CDYL: variants seen among roughly 807,000 people sequenced by gnomAD.
The protein encoded by CDYL is chromodomain Y-like protein.
CDYL carries 8 observed loss-of-function variants against 47.3 expected under a neutral mutation model. The observed-to-expected ratio is 0.17, with a 90% confidence interval of 0.10 to 0.31. CDYL has a LOEUF of 0.31. Among genes scored for constraint, CDYL ranks in the 10% least tolerant of loss-of-function variants. CDYL has a pLI of 1.00. For synonymous variants in CDYL, 266 were observed against 265.0 expected (o/e 1.00, Z -0.04); for missense variants, 471 against 701.4 (o/e 0.67, Z 3.71).
chr6:4,827,647 A>T, intron 1 of CDYL, among the ~76,000 whole-genome samples: 1 of 152,110 alleles, frequency 6.6e-6, no homozygotes. Context: ...ATTATTTTTC[A>T]TGCATTTGTC....
intron 1 of CDYL, among the ~76,000 whole-genome samples, chr6:4,841,974 A>G (rs1057436274): frequency 2.1e-5 from 3 of 145,762 alleles, no homozygotes; most frequent in Admixed American, 6.9e-5. Flanking sequence ...TATTATATTA[A>G]TATTAATAAT....
Position 4,953,925 on chromosome 6 carries a change from C to T in CDYL, c.1504C>T (p.Arg502Cys). ...VVLEESKALV[R>C]CNMKMELEQA... ...GCTTGAGGAATCCAAAGCCCTCGTG[C>T]GCTGCAACATGAAGATGGAGCTGGA... Residue 502 changes from arginine to cysteine, a missense_variant, in exon 7 of 7, where the codon CGC (arginine) becomes TGC (cysteine). By Grantham distance (180) the Arg-to-Cys change is radical. This residue lies in a region of CDYL where 57 missense variants were observed against 74.3 expected (regional missense o/e 0.77). Coordinates refer to ENST00000397588, the MANE Select transcript of CDYL (RefSeq NM_004824.4). 3.1e-6 allele frequency: 5 copies of T among 1,613,612 alleles called. No individual in the cohort carries two copies. Among genetic ancestry groups the T allele is most frequent in the Non-Finnish European group, 3.4e-6 (4 of 1,179,854 alleles).
intron 3 of CDYL, among the ~76,000 whole-genome samples, chr6:4,764,939 A>G (rs532291319): frequency 1.0e-4 from 16 of 152,382 alleles, no homozygotes; most frequent in African/African-American, 3.8e-4. Flanking sequence ...TAAAATATGT[A>G]TAAAACTTAA....
chr6:4,723,769 G>A (rs1169034209), intron 2 of CDYL, among the ~76,000 whole-genome samples: 2 of 152,188 alleles, frequency 1.3e-5, no homozygotes, highest in East Asian at 1.9e-4. Flanking sequence ...CCTGGCCCCT[G>A]CTCTTGGCAA....
chr6:4,771,145 G>C (rs1333477214), intron 3 of CDYL, among the ~76,000 whole-genome samples: 2 of 151,830 alleles, frequency 1.3e-5, no homozygotes, highest in Non-Finnish European at 2.9e-5. Flanking sequence ...ATGGAGTCTT[G>C]CTCTGCCATC....
intron 2 of CDYL, among the ~76,000 whole-genome samples, chr6:4,716,362 TCTC>T (rs761406631): frequency 2.0e-5 from 3 of 152,054 alleles, no homozygotes; most frequent in Non-Finnish European, 2.9e-5. Flanking sequence ...TCTCGCAAGC[TCTC>T]CTCTTTTTTC....
intron 1 of CDYL, among the ~76,000 whole-genome samples, chr6:4,819,162 C>CTCTCTCTCTGTGTGTGTGTG (rs1016051589): frequency 3.0e-4 from 34 of 111,992 alleles, no homozygotes; most frequent in African/African-American, 1.6e-3. Flanking sequence ...CTCTCTCTCT[C>CTCTCTCTCTGTGTGTGTGTG]TGTGTGTGTG....
chr6:4,846,093 A>G (rs1029769363), intron 1 of CDYL, among the ~76,000 whole-genome samples: 7 of 152,106 alleles, frequency 4.6e-5, no homozygotes, highest in African/African-American at 1.4e-4. Flanking sequence ...GAACAGTCAT[A>G]CTTTAGAAAG....
At chr6:4,920,805 G>A (rs569866970) in intron 2 of CDYL, among the ~76,000 whole-genome samples, 21 of 152,244 alleles carry the variant, frequency 1.4e-4, no homozygotes, top group African/African-American at 2.9e-4. Flanking sequence ...TAGCAGAGAC[G>A]GGATTTCATC....
intron 1 of CDYL, among the ~76,000 whole-genome samples, chr6:4,885,675 C>G (rs1187927643): frequency 6.6e-6 from 1 of 152,230 alleles, no homozygotes; most frequent in Non-Finnish European, 1.5e-5. Context: ...CCTTTTGTCT[C>G]TTGCGAAAAG....
At chr6:4,881,784 G>A (rs808626) in intron 1 of CDYL, among the ~76,000 whole-genome samples, 7,566 of 152,112 alleles carry the variant, frequency 0.05, 608 homozygotes, top group African/African-American at 0.17. Flanking sequence ...AGGTTCCATC[G>A]GTACCATTTT....
intron 2 of CDYL, among the ~76,000 whole-genome samples, chr6:4,729,296 AG>A (rs1292367415): frequency 6.6e-6 from 1 of 152,124 alleles, no homozygotes; most frequent in Non-Finnish European, 1.5e-5. Flanking sequence ...GTTTTTGCTC[AG>A]GCTGTTTTCA....
chr6:4,924,538 T>C (rs1030313980), intron 2 of CDYL, among the ~76,000 whole-genome samples: 4 of 152,236 alleles, frequency 2.6e-5, no homozygotes, highest in Non-Finnish European at 4.4e-5. Context: ...AAGCATTCTC[T>C]GAATGTGGTC....
Position 4,892,356 on chromosome 6 carries a change from C to A in CDYL, c.668C>A (p.Thr223Lys), listed in dbSNP as rs1436393658. 6.2e-7 allele frequency: 1 copy of A among 1,612,440 alleles called. No individual in the cohort carries two copies. The highest frequency in any genetic ancestry group is 8.5e-7 in the Non-Finnish European group (1 of 1,179,178). ...VPGPVTAAMATGLAVNGKGTS... is the reference protein window; with the variant it reads ...VPGPVTAAMAKGLAVNGKGTS... ...GGCCCTGTGACTGCAGCCATGGCCA[C>A]AGGCTTAGCTGTTAACGGGAAAGGT... Residue 223 changes from threonine (T) to lysine (K), a missense_variant, in exon 2 of 7, where the codon ACA becomes AAA. Physicochemically the swap from Thr to Lys is moderately conservative, Grantham distance 78. Transcript: ENST00000397588.
chr6:4,856,758 C>G (rs953461961), intron 1 of CDYL, among the ~76,000 whole-genome samples: 1 of 152,184 alleles, frequency 6.6e-6, no homozygotes, highest in African/African-American at 2.4e-5. Flanking sequence ...GGGGGAACTT[C>G]AGGATCTCAA....
chr6:4,782,512 G>A (rs1266633042), intron 1 of CDYL, among the ~76,000 whole-genome samples: 1 of 152,114 alleles, frequency 6.6e-6, no homozygotes, highest in East Asian at 1.9e-4. Context: ...GAATTTCACT[G>A]TTTCCCACAC....
At chr6:4,803,229 G>A (rs1225507261) in intron 1 of CDYL, among the ~76,000 whole-genome samples, 5 of 152,194 alleles carry the variant, frequency 3.3e-5, no homozygotes, top group Admixed American at 2.6e-4. Flanking sequence ...TGAGGTGCCT[G>A]TTGACAGTGT....
intron 3 of CDYL, among the ~76,000 whole-genome samples, chr6:4,764,974 C>G (rs1338526544): frequency 6.6e-6 from 1 of 152,126 alleles, no homozygotes; most frequent in East Asian, 1.9e-4. Flanking sequence ...TAAGTGTTAA[C>G]AAATTTTAAA....
chr6:4,891,241 A>G (rs1762032402), intron 1 of CDYL, among the ~76,000 whole-genome samples: 1 of 152,220 alleles, frequency 6.6e-6, no homozygotes, highest in South Asian at 2.1e-4. Flanking sequence ...CTTGTGATAC[A>G]GATCATATGT....
Sources: allele counts gnomAD v4.1 joint callset (sites outside exome capture counted in the v4.1 genomes callset), GRCh38; gene constraint gnomAD v4.1.1; regional missense constraint gnomAD v4.1.1; transcripts MANE v1.5; gene names NCBI Gene and HGNC (gene_info 2026-07-23, HGNC 2026-07-21).